The following ZNF705G variants were observed in gnomAD, a reference collection of about 807,000 sequenced individuals.
ZNF705G encodes the protein putative zinc finger protein 705G.
In ZNF705G, 23 loss-of-function variants were observed where a neutral mutation model predicts 19.6. The ratio of observed to expected loss-of-function variants is 1.17; its 90% CI spans 0.84 to 1.66. ZNF705G has a LOEUF of 1.66. Ranked by LOEUF, ZNF705G falls within the 40% of genes most tolerant of loss-of-function variation. The pLI, the probability that ZNF705G is intolerant of heterozygous loss-of-function variation, is 0.00. For synonymous variants in ZNF705G, 146 were observed against 117.7 expected (o/e 1.24, Z -1.56); for missense variants, 457 against 354.4 (o/e 1.29, Z -2.32).
chr8:7,384,457 A>C lies in ZNF705G; in HGVS notation c.-222+1041T>G, dbSNP rs370853219. On this transcript the variant is annotated intron_variant, in intron 1 of 6. Transcript: ENST00000400156. Reference sequence around the variant, plus strand: ...AAAGACATTTATGCAGCCAACAAACATGAAAAAAAGCTCATCATCACTGGT... The same window carrying C: ...AAAGACATTTATGCAGCCAACAAACCTGAAAAAAAGCTCATCATCACTGGT... Among the ~76,000 whole-genome samples, 79 of 145,944 alleles carry C rather than the reference A, an allele frequency of 5.4e-4. 3 individuals carry two copies. The East Asian group carries it at 0.012, about 22-fold the overall frequency.
chr8:7,383,855 C>A (rs1807615195), intron 1 of ZNF705G, among the ~76,000 whole-genome samples: 1 of 145,952 alleles, frequency 6.9e-6, no homozygotes, highest in African/African-American at 2.8e-5. Flanking sequence ...AACTTCTGCT[C>A]TTTATAAGCC....
In ZNF705G at chr8:7,379,723, A is replaced by G. The variant is rs899653743; in HGVS notation, c.-72+1729T>C. ...CACTGTGGACACTGCAATCCTAGCC[A>G]AGGGACAGTCTCTCAGCCCTCGCAG... On this transcript the variant is annotated intron_variant, in intron 2 of 6. Transcript: ENST00000400156. Among the ~76,000 whole-genome samples, 10 of 147,264 alleles carry G rather than the reference A, an allele frequency of 6.8e-5. 1 individual carries two copies. The highest frequency in any genetic ancestry group is 1.2e-4 in the Non-Finnish European group (8 of 67,994).
intron 6 of ZNF705G, among the ~76,000 whole-genome samples, 177 bp downstream of exon 6, chr8:7,359,442 T>C (rs544927966): frequency 1.3e-5 from 2 of 149,800 alleles, no homozygotes; most frequent in South Asian, 2.1e-4. Context: ...TCTCATGTTA[T>C]GGTTTAGAAC....
intron 2 of ZNF705G, among the ~76,000 whole-genome samples, chr8:7,368,824 C>T (rs1484495059): frequency 2.7e-5 from 4 of 149,486 alleles, no homozygotes; most frequent in African/African-American, 1.0e-4. Flanking sequence ...GCTAAAAGGG[C>T]CCCAGACATT....
intron 2 of ZNF705G, among the ~76,000 whole-genome samples, chr8:7,367,952 A>G (rs1806935316): frequency 6.7e-6 from 1 of 149,658 alleles, no homozygotes; most frequent in South Asian, 2.1e-4. Context: ...CCAAAAATAA[A>G]AAGTTGGAGG....
chr8:7,358,450 G>C lies in ZNF705G; in HGVS notation c.429C>G (p.Pro143=), dbSNP rs780316507. 1.2e-6 allele frequency: 2 copies of C among 1,607,642 alleles called. No homozygotes were observed. Among genetic ancestry groups the C allele is most frequent in the Non-Finnish European group, 8.5e-7 (1 of 1,179,592 alleles). ...ATTTTCCACACTGTTTGCTGACATA[G>C]GGTTTCTTTCCACTATGAGTTAACA... ...QCLLTHSGKK[P]YVSKQCGKSL... The change falls in exon 7 of 7, where the codon CCC becomes CCG. Residue 143 remains proline, a synonymous_variant. Transcript: ENST00000400156.
chr8:7,359,831 T>C (rs1206797875), intron 5 of ZNF705G, 130 bp from the exon 6 acceptor site: 19 of 1,363,810 alleles, frequency 1.4e-5, no homozygotes, highest in Non-Finnish European at 1.8e-5. Flanking sequence ...ATGAAGAAAC[T>C]ACTTGAATAG....
rs376679613 is a variant in ZNF705G, at chr8:7,359,640, G to A, written c.297C>T (p.Asp99=). The A allele has an allele frequency of 9.4e-5, 151 of 1,606,664 alleles. No individual in the cohort carries two copies. The highest frequency in any genetic ancestry group is 3.2e-4 in the South Asian group (29 of 90,664). The change falls in exon 6 of 7, where the codon GAC becomes GAT. Residue 99 remains aspartate, a synonymous_variant. Coordinates refer to ENST00000400156, the MANE Select transcript of ZNF705G (RefSeq NM_001164457.3). ...MISMHPITRK[D]ASTSMTMENS... Reference sequence around the variant, plus strand: ...TTACCATTGTCATACTGGTGGATGCGTCTTTTCTGGTGATAGGATGCATGG... The same window carrying A: ...TTACCATTGTCATACTGGTGGATGCATCTTTTCTGGTGATAGGATGCATGG...
At chr8:7,368,114 C>G (rs1806944056) in intron 2 of ZNF705G, among the ~76,000 whole-genome samples, 1 of 149,332 alleles carries the variant, frequency 6.7e-6, no homozygotes, top group Admixed American at 6.6e-5. Flanking sequence ...AATTAATAAA[C>G]CGAATCACCA....
At chr8:7,362,249 T>C (rs1197050729) in intron 3 of ZNF705G, among the ~76,000 whole-genome samples, 1 of 149,832 alleles carries the variant, frequency 6.7e-6, no homozygotes, top group Non-Finnish European at 1.5e-5. Flanking sequence ...TCTTATATGT[T>C]ACTTTTACTT....
intron 1 of ZNF705G, among the ~76,000 whole-genome samples, chr8:7,382,061 A>T (rs1807523492): frequency 6.6e-6 from 1 of 152,154 alleles, no homozygotes; most frequent in South Asian, 2.1e-4. Flanking sequence ...CAAAAGTGGC[A>T]AAACAGATCT....
At chr8:7,363,056 T>C (rs1276822887) in intron 2 of ZNF705G, 39 bp from the exon 3 acceptor site, 2 of 1,583,536 alleles carry the variant, frequency 1.3e-6, no homozygotes, top group Admixed American at 3.3e-5. Context: ...ACCAGTCTTG[T>C]GCACAATTTT....
At position 7,378,892 on chromosome 8, in the gene ZNF705G, A is replaced by G. The variant is rs560890677; in HGVS notation, c.-72+2560T>C. On this transcript the variant is annotated intron_variant, in intron 2 of 6. Coordinates refer to ENST00000400156, the MANE Select transcript of ZNF705G (RefSeq NM_001164457.3). ...CCTTTGCTTACACGGTGGCACATTCACAGGACCCAGGAGTTAGGATGTGGA... is the reference window on the plus strand; with the variant it reads ...CCTTTGCTTACACGGTGGCACATTCGCAGGACCCAGGAGTTAGGATGTGGA... Among the ~76,000 whole-genome samples, 72 of 147,310 alleles carry G rather than the reference A, an allele frequency of 4.9e-4. 1 individual carries two copies. Among genetic ancestry groups the G allele is most frequent in the Middle Eastern group, 6.8e-3 (2 of 292 alleles).
At chr8:7,362,791 C>A in intron 3 of ZNF705G, 144 bp downstream of exon 3, 1 of 1,561,784 alleles carries the variant, frequency 6.4e-7, no homozygotes, top group Non-Finnish European at 8.6e-7. Flanking sequence ...GCATTTGGAA[C>A]ACCCAGGCAG....
intron 2 of ZNF705G, among the ~76,000 whole-genome samples, chr8:7,368,614 C>G (rs982106843): frequency 1.3e-5 from 2 of 149,794 alleles, no homozygotes; most frequent in African/African-American, 5.1e-5. Flanking sequence ...ATTTGGGTAA[C>G]TAAAAGGAAA....
At position 7,358,204 on chromosome 8, in the gene ZNF705G, C is replaced by G. The variant is rs1208576294; in HGVS notation, c.675G>C (p.Gln225His). 30 of 1,607,612 alleles carry G rather than the reference C, an allele frequency of 1.9e-5. No individual in the cohort carries two copies. Among genetic ancestry groups the G allele is most frequent in the Non-Finnish European group, 2.5e-5 (30 of 1,179,604 alleles). ...CATATTGATGACACTTATATGGTCTCTGTCCCGTGTGAGTTTTCTCGTGTC... is the reference window on the plus strand; with the variant it reads ...CATATTGATGACACTTATATGGTCTGTGTCCCGTGTGAGTTTTCTCGTGTC... ...LRRHEKTHTG[Q>H]RPYKCHQYGK... The change falls in exon 7 of 7, where the codon CAG becomes CAC. Residue 225 changes from glutamine (Q) to histidine (H), a missense_variant. Transcript: ENST00000400156.
chr8:7,357,961 G>A lies in ZNF705G; in HGVS notation c.*15C>T. The A allele has an allele frequency of 6.2e-7, 1 of 1,608,794 alleles. No homozygotes were observed. The highest frequency in any genetic ancestry group is 1.1e-5 in the South Asian group (1 of 90,684). On this transcript the variant is annotated 3_prime_UTR_variant, in exon 7 of 7. Transcript: ENST00000400156. ...GGCATTCATATGGCTTTTCTCCAGT[G>A]CGTGTTCTCTCATGTCATCTAAGGT...
In ZNF705G at chr8:7,357,563, C is replaced by G. The variant is rs1226548798; in HGVS notation, c.*413G>C. ...TTTAAGTTATAGCTGTTGCTGAAGA[C>G]TTTTAGTTGATTATATTGACAGTTT... On this transcript the variant is annotated 3_prime_UTR_variant, in exon 7 of 7. Coordinates refer to ENST00000400156, the MANE Select transcript of ZNF705G (RefSeq NM_001164457.3). 3 of 257,024 alleles carry G rather than the reference C, an allele frequency of 1.2e-5. 1 individual carries two copies. The highest frequency in any genetic ancestry group is 7.4e-5 in the African/African-American group (3 of 40,690). 15.9% of individuals were successfully genotyped at this position (257,024 alleles called of 1,614,324 possible). A position where few individuals can be genotyped will look rare whatever the true frequency, so the allele number is the denominator to read the frequency against.
intron 2 of ZNF705G, among the ~76,000 whole-genome samples, chr8:7,365,139 T>A (rs544675875): frequency 1.3e-5 from 2 of 149,716 alleles, no homozygotes; most frequent in East Asian, 3.9e-4. Context: ...TTGTGTGGAA[T>A]CTATAAAAAC....
Sources: allele counts gnomAD v4.1 joint callset (sites outside exome capture counted in the v4.1 genomes callset), GRCh38; gene constraint gnomAD v4.1.1; transcripts MANE v1.5; gene names NCBI Gene and HGNC (gene_info 2026-07-23, HGNC 2026-07-21).